SHISA9: variants seen among roughly 807,000 people sequenced by gnomAD.
SHISA9 encodes shisa family member 9.
SHISA9 carries 13 observed loss-of-function variants against 38.0 expected under a neutral mutation model. The observed-to-expected ratio is 0.34, with a 90% confidence interval of 0.22 to 0.54. The LOEUF (loss-of-function observed/expected upper bound fraction) is 0.54, where lower values mean the gene tolerates loss of function less well. Ranked by LOEUF, SHISA9 falls within the 20% of genes least tolerant of loss-of-function variation. The probability of loss-of-function intolerance (pLI) is 0.91; values close to 1 mark genes in which losing one functional copy is unlikely to be tolerated. For synonymous variants in SHISA9, 275 were observed against 242.0 expected (o/e 1.14, Z -1.27); for missense variants, 538 against 575.8 (o/e 0.93, Z 0.67).
At chr16:13,557,977 C>A in the SHISA9 span, among the ~76,000 whole-genome samples, 3 of 152,180 alleles carry the variant, frequency 2.0e-5, no homozygotes, top group Admixed American at 6.5e-5. Context: ...CTTCCGATCA[C>A]CTGATACTAG....
rs529799977 is a variant in SHISA9, at chr16:13,150,650, T to C, written c.692-52744T>C. Among the ~76,000 whole-genome samples the C allele has an allele frequency of 7.9e-5, 12 of 152,268 alleles. No individual in the cohort carries two copies. In the Middle Eastern group the frequency reaches 0.017, roughly 216 times the overall value. ...ACCCCAAGCCTATTGAATCAGAATA[T>C]GAATTTTTAAAAGGAGGTGATTCAT... On this transcript the variant is annotated intron_variant, in intron 2 of 4. Coordinates refer to ENST00000558583, the MANE Select transcript of SHISA9 (RefSeq NM_001145204.3).
At chr16:12,913,444 G>A (rs540006379) in intron 1 of SHISA9, among the ~76,000 whole-genome samples, 58 of 152,142 alleles carry the variant, frequency 3.8e-4, no homozygotes, top group Non-Finnish European at 7.5e-4. Flanking sequence ...TGATCCACCC[G>A]TCTTGGCCTC....
At chr16:13,519,500 A>C in the SHISA9 span, among the ~76,000 whole-genome samples, 5 of 152,322 alleles carry the variant, frequency 3.3e-5, no homozygotes, top group Middle Eastern at 6.8e-3. Flanking sequence ...AATCTGCACC[A>C]AGCACCATGT....
intron 2 of SHISA9, among the ~76,000 whole-genome samples, chr16:12,986,165 C>T (rs1390232297): frequency 6.6e-6 from 1 of 152,148 alleles, no homozygotes; most frequent in Non-Finnish European, 1.5e-5. Flanking sequence ...CTTTAAGGAT[C>T]TACTTCTACA....
At chr16:13,418,163 C>T in the SHISA9 span, among the ~76,000 whole-genome samples, 2 of 151,738 alleles carry the variant, frequency 1.3e-5, no homozygotes, top group African/African-American at 2.4e-5. Flanking sequence ...TCAGGTTTGT[C>T]AGTACAGTGG....
chr16:13,166,646 T>C (rs1165560316), intron 2 of SHISA9, among the ~76,000 whole-genome samples: 1 of 152,178 alleles, frequency 6.6e-6, no homozygotes, highest in South Asian at 2.1e-4. Context: ...TTCTTGTCTG[T>C]TTTGTCTACG....
At chr16:13,503,687 CAA>C in the SHISA9 span, among the ~76,000 whole-genome samples, 6 of 148,342 alleles carry the variant, frequency 4.0e-5, no homozygotes, top group African/African-American at 7.4e-5. Context: ...AAGGAGTGAC[CAA>C]AAAAAAAAAA....
chr16:13,288,960 T>G, the SHISA9 span, among the ~76,000 whole-genome samples: 1 of 152,154 alleles, frequency 6.6e-6, no homozygotes, highest in Admixed American at 6.5e-5. Flanking sequence ...AATATATGAA[T>G]GAGTGAGGCT....
the SHISA9 span, among the ~76,000 whole-genome samples, chr16:13,288,752 C>G: frequency 6.6e-6 from 1 of 152,174 alleles, no homozygotes; most frequent in Admixed American, 6.5e-5. Flanking sequence ...GATCACACCA[C>G]TGCACTCCAG....
chr16:13,329,170 C>T, the SHISA9 span, among the ~76,000 whole-genome samples: 2,910 of 152,250 alleles, frequency 0.019, 79 homozygotes, highest in African/African-American at 0.066. Flanking sequence ...CTTCCCTGCT[C>T]GCTAAGTAAA....
intron 2 of SHISA9, among the ~76,000 whole-genome samples, chr16:13,003,200 C>G (rs56394570): frequency 0.016 from 2,501 of 152,252 alleles, 78 homozygotes; most frequent in African/African-American, 0.056. Context: ...AGGGTCAAAC[C>G]CTGCAGGTCT....
At chr16:13,101,334 G>A (rs752266467) in intron 2 of SHISA9, among the ~76,000 whole-genome samples, 10 of 152,122 alleles carry the variant, frequency 6.6e-5, no homozygotes, top group South Asian at 2.1e-4. Context: ...TTATTGTATC[G>A]ATTATGTCAC....
intron 2 of SHISA9, among the ~76,000 whole-genome samples, chr16:13,084,489 G>A (rs537644933): frequency 3.9e-5 from 6 of 152,266 alleles, no homozygotes; most frequent in Non-Finnish European, 8.8e-5. Context: ...AGACAGGGCT[G>A]GAAAGAGAAA....
At chr16:13,426,503 G>A in the SHISA9 span, among the ~76,000 whole-genome samples, 2 of 152,166 alleles carry the variant, frequency 1.3e-5, no homozygotes, top group Non-Finnish European at 1.5e-5. Context: ...CCATCAGGGT[G>A]ATGGAAGTTT....
chr16:13,160,141 G>A (rs1330936414), intron 2 of SHISA9, among the ~76,000 whole-genome samples: 1 of 152,204 alleles, frequency 6.6e-6, no homozygotes, highest in African/African-American at 2.4e-5. Flanking sequence ...CCATATGAAG[G>A]CCTAGGGAAG....
At chr16:12,916,655 G>A (rs745697981) in intron 1 of SHISA9, 33 bp from the exon 2 acceptor site, 2 of 1,541,892 alleles carry the variant, frequency 1.3e-6, no homozygotes, top group Non-Finnish European at 1.7e-6. Flanking sequence ...ATTGTGTTTT[G>A]AATGAACAGA....
intron 2 of SHISA9, among the ~76,000 whole-genome samples, chr16:12,934,066 C>T (rs954410880): frequency 1.2e-4 from 19 of 152,032 alleles, no homozygotes; most frequent in Admixed American, 2.6e-4. Context: ...CAAAAAACTC[C>T]GCAGGATGTG....
chr16:13,466,555 G>GGTA, the SHISA9 span, among the ~76,000 whole-genome samples: 1 of 152,146 alleles, frequency 6.6e-6, no homozygotes. Flanking sequence ...ATACAGAATG[G>GGTA]GTAGTTGTTG....
intron 2 of SHISA9, among the ~76,000 whole-genome samples, chr16:13,166,373 TTACTCACCA>T (rs1362497437): frequency 2.0e-5 from 3 of 152,238 alleles, no homozygotes; most frequent in African/African-American, 7.2e-5. Context: ...TCAGTTCATG[TTACTCACCA>T]CTTAACTGTC....
Sources: gnomAD v4.1 joint callset for allele counts (sites outside exome capture counted in the v4.1 genomes callset) on GRCh38, gnomAD v4.1.1 for gene constraint, MANE v1.5 for transcripts, NCBI Gene and HGNC (gene_info 2026-07-23, HGNC 2026-07-21) for gene names.